LRRTM4: variants seen among roughly 807,000 people sequenced by gnomAD.
The protein encoded by LRRTM4 is leucine rich repeat transmembrane neuronal 4, also known as leucine-rich repeat transmembrane neuronal protein 4.
In LRRTM4, 25 loss-of-function variants were observed where a neutral mutation model predicts 47.6. The ratio of observed to expected loss-of-function variants is 0.53; its 90% CI spans 0.38 to 0.73. LRRTM4 has a LOEUF of 0.73. LRRTM4 is among the 30% of genes least tolerant of loss of function. LRRTM4 has a pLI of 0.00. For missense variants in LRRTM4, 638 were observed against 713.4 expected (o/e 0.89, Z 1.20); for synonymous variants, 311 against 269.5 (o/e 1.15, Z -1.51).
At chr2:77,005,979 C>A (rs898797348) in intron 3 of LRRTM4, among the ~76,000 whole-genome samples, 1 of 152,094 alleles carries the variant, frequency 6.6e-6, no homozygotes, top group African/African-American at 2.4e-5. Context: ...AGTTAAGGTT[C>A]ATAATCACAT....
chr2:77,357,819 G>T (rs1185277080), intron 3 of LRRTM4, among the ~76,000 whole-genome samples: 1 of 152,122 alleles, frequency 6.6e-6, no homozygotes, highest in African/African-American at 2.4e-5. Flanking sequence ...AATGTTTTAA[G>T]TAATGAAGGC....
chr2:76,791,203 A>G (rs4853273), intron 3 of LRRTM4, among the ~76,000 whole-genome samples: 98,623 of 151,936 alleles, frequency 0.65, 32,703 homozygotes, highest in East Asian at 0.78. Context: ...GAAGTGATCC[A>G]GGCATGTGGC....
intron 3 of LRRTM4, among the ~76,000 whole-genome samples, chr2:77,207,174 A>G (rs1674150104): frequency 6.9e-6 from 1 of 145,568 alleles, no homozygotes; most frequent in Non-Finnish European, 1.5e-5. Context: ...AGAAAATTTC[A>G]ATTGATAACA....
chr2:76,951,109 GAT>G (rs1675478802), intron 3 of LRRTM4, among the ~76,000 whole-genome samples: 1 of 109,294 alleles, frequency 9.1e-6, no homozygotes, highest in African/African-American at 2.8e-5. Context: ...AAAGTCAAAT[GAT>G]AGATTGGCTG....
intron 3 of LRRTM4, among the ~76,000 whole-genome samples, chr2:77,125,295 C>T (rs1421808734): frequency 6.6e-6 from 1 of 152,108 alleles, no homozygotes; most frequent in African/African-American, 2.4e-5. Context: ...TTTGTAAACA[C>T]TCTTTCTATA....
At chr2:76,891,261 C>A (rs745976778) in intron 3 of LRRTM4, among the ~76,000 whole-genome samples, 1 of 151,746 alleles carries the variant, frequency 6.6e-6, no homozygotes, top group Non-Finnish European at 1.5e-5. Context: ...GAGAGGTTCT[C>A]AAGGAAATTT....
intron 3 of LRRTM4, among the ~76,000 whole-genome samples, chr2:76,911,300 T>C (rs1674047065): frequency 6.6e-6 from 1 of 152,130 alleles, no homozygotes; most frequent in Admixed American, 6.5e-5. Flanking sequence ...GCAATCATTG[T>C]TTTTAGGACT....
rs1674604806 is a variant in LRRTM4, at chr2:76,785,130, G to GAAGT, written c.1552-36218_1552-36215dup. Among the ~76,000 whole-genome samples, 3 of 152,204 alleles carry GAAGT rather than the reference G, an allele frequency of 2.0e-5. No individual in the cohort carries two copies. The South Asian group carries it at 6.2e-4, about 32-fold the overall frequency. ...TCTTGCTACACCGATCTTGAAGAAG[G>GAAGT]AAGTACAAACAATTAATTTAAAATG... On this transcript the variant is annotated intron_variant, in intron 3 of 3. Transcript: ENST00000409884.
intron 3 of LRRTM4, among the ~76,000 whole-genome samples, chr2:76,896,726 T>G: frequency 6.6e-6 from 1 of 151,308 alleles, no homozygotes; most frequent in East Asian, 1.9e-4. Context: ...TAAATCTTTT[T>G]GTTTCAAATA....
intron 3 of LRRTM4, among the ~76,000 whole-genome samples, chr2:77,327,154 G>A (rs184142914): frequency 1.3e-5 from 2 of 152,122 alleles, no homozygotes; most frequent in African/African-American, 4.8e-5. Context: ...TAGCGGTCAA[G>A]CTAATTATTT....
chr2:77,291,352 A>G (rs1313285194), intron 3 of LRRTM4, among the ~76,000 whole-genome samples: 1 of 152,158 alleles, frequency 6.6e-6, no homozygotes, highest in Non-Finnish European at 1.5e-5. Flanking sequence ...TGAGAAATCA[A>G]CAAAGATCTT....
chr2:76,987,477 G>A (rs1166932573), intron 3 of LRRTM4: 1 of 151,734 alleles, frequency 6.6e-6, no homozygotes, highest in East Asian at 1.9e-4. Context: ...TATGCAATGG[G>A]GTACAGAAAG....
chr2:77,287,395 ATATATAT>A (rs1248986783), intron 3 of LRRTM4, among the ~76,000 whole-genome samples: 2 of 151,614 alleles, frequency 1.3e-5, no homozygotes, highest in African/African-American at 4.8e-5. Flanking sequence ...AAAATTTAAA[ATATATAT>A]TATATATCTA....
chr2:77,182,487 C>T (rs1449099425), intron 3 of LRRTM4, among the ~76,000 whole-genome samples: 1 of 152,032 alleles, frequency 6.6e-6, no homozygotes, highest in Admixed American at 6.6e-5. Context: ...ACCACCACGG[C>T]ACACATATAC....
At chr2:77,010,133 T>C (rs893216970) in intron 3 of LRRTM4, among the ~76,000 whole-genome samples, 3 of 152,060 alleles carry the variant, frequency 2.0e-5, no homozygotes, top group South Asian at 2.1e-4. Flanking sequence ...GTATCTATTT[T>C]TGTGGTGAGA....
intron 3 of LRRTM4, among the ~76,000 whole-genome samples, chr2:76,784,367 G>C (rs1004337640): frequency 8.6e-5 from 13 of 152,010 alleles, no homozygotes; most frequent in African/African-American, 3.1e-4. Flanking sequence ...ATGGGTGCAA[G>C]ATTGCTATAA....
At chr2:77,380,592 T>A (rs1383875414) in intron 3 of LRRTM4, among the ~76,000 whole-genome samples, 1 of 151,374 alleles carries the variant, frequency 6.6e-6, no homozygotes, top group Non-Finnish European at 1.5e-5. Flanking sequence ...AGGTCAGGAG[T>A]TCGAGACCAT....
chr2:76,960,332 C>T (rs570890513), intron 3 of LRRTM4, among the ~76,000 whole-genome samples: 9 of 151,648 alleles, frequency 5.9e-5, no homozygotes, highest in African/African-American at 2.2e-4. Context: ...GAATTACATG[C>T]ATTTTTTATT....
At chr2:76,953,167 G>GT (rs1449085857) in intron 3 of LRRTM4, among the ~76,000 whole-genome samples, 1 of 94,388 alleles carries the variant, frequency 1.1e-5, no homozygotes, top group Non-Finnish European at 1.9e-5. Flanking sequence ...AAAAAATAAA[G>GT]TAAAAAAAAA....
Sources: allele counts gnomAD v4.1 joint callset (sites outside exome capture counted in the v4.1 genomes callset), GRCh38; gene constraint gnomAD v4.1.1; transcripts MANE v1.5; gene names NCBI Gene and HGNC (gene_info 2026-07-23, HGNC 2026-07-21).